MACROD2: variants seen among roughly 807,000 people sequenced by gnomAD.
MACROD2 encodes the protein ADP-ribose glycohydrolase MACROD2.
In MACROD2, 36 loss-of-function variants were observed where a neutral mutation model predicts 70.4. The observed-to-expected ratio is 0.51, with a 90% CI of 0.39 to 0.68. The LOEUF is 0.68. Ranked by LOEUF, MACROD2 falls within the 30% of genes least tolerant of loss-of-function variation. The probability of loss-of-function intolerance (pLI) is 0.00; values close to 1 mark genes in which losing one functional copy is unlikely to be tolerated. For synonymous variants in MACROD2, 172 were observed against 178.8 expected, an observed-to-expected ratio of 0.96 and a Z score of 0.30; for missense variants, 496 against 538.4, an observed-to-expected ratio of 0.92 and a Z score of 0.78.
intron 5 of MACROD2, among the ~76,000 whole-genome samples, chr20:14,968,754 G>A (rs146963481): frequency 1.3e-4 from 20 of 152,244 alleles, no homozygotes; most frequent in African/African-American, 4.3e-4. Flanking sequence ...ACCACAGTTC[G>A]ATAACCTCTG....
At chr20:14,516,907 C>T (rs868856485) in intron 4 of MACROD2, among the ~76,000 whole-genome samples, 5 of 152,158 alleles carry the variant, frequency 3.3e-5, no homozygotes, top group South Asian at 4.1e-4. Flanking sequence ...CAAAAGAAGA[C>T]GTTTATGCAG....
intron 4 of MACROD2, among the ~76,000 whole-genome samples, chr20:14,616,742 A>G (rs2123441445): frequency 6.6e-6 from 1 of 152,214 alleles, no homozygotes; most frequent in Non-Finnish European, 1.5e-5. Flanking sequence ...AATGAGATGG[A>G]TGAACTGATC....
At chr20:14,759,845 C>G (rs1165013276) in intron 5 of MACROD2, among the ~76,000 whole-genome samples, 1 of 152,002 alleles carries the variant, frequency 6.6e-6, no homozygotes, top group African/African-American at 2.4e-5. Context: ...GTTGTCCCTT[C>G]TTTTTATAAA....
rs374482609 is a variant in MACROD2, at chr20:15,798,293, G to A, written c.646-64452G>A. 1.8e-4 allele frequency among the ~76,000 whole-genome samples: 28 copies of A among 152,230 alleles called. No homozygotes were observed. The South Asian group carries it at 5.8e-3, about 32-fold the overall frequency. On this transcript the variant is annotated intron_variant, in intron 8 of 17. Coordinates refer to ENST00000684519, the MANE Select transcript of MACROD2 (RefSeq NM_001351661.2). ...CAAATGCCTGTGATTGGGTGCTTGG[G>A]GACTGGAATCAGCTGGAAGCTCCTT...
intron 6 of MACROD2, among the ~76,000 whole-genome samples, chr20:15,244,599 A>C (rs965685968): frequency 6.6e-6 from 1 of 152,178 alleles, no homozygotes; most frequent in African/African-American, 2.4e-5. Flanking sequence ...TCACTACTGC[A>C]AGTGTATCAT....
In MACROD2 at chr20:15,629,990, C is replaced by T. The variant is rs552352778; in HGVS notation, c.645+130143C>T. On this transcript the variant is annotated intron_variant, in intron 8 of 17. Coordinates refer to ENST00000684519, the MANE Select transcript of MACROD2 (RefSeq NM_001351661.2). ...GCTCTCTGCCCTTTCATTTTTTTTC[C>T]GTTCTCATTCTTTTTCTTCCCAGGT... 9.9e-5 allele frequency among the ~76,000 whole-genome samples: 15 copies of T among 152,030 alleles called. No homozygotes were observed. The South Asian group carries it at 1.0e-3, about 11-fold the overall frequency.
intron 3 of MACROD2, among the ~76,000 whole-genome samples, chr20:14,266,888 A>G (rs553026406): frequency 6.6e-6 from 1 of 152,310 alleles, no homozygotes; most frequent in East Asian, 1.9e-4. Flanking sequence ...TTGGAATTGA[A>G]ATGGTGTTTC....
intron 2 of MACROD2, among the ~76,000 whole-genome samples, chr20:14,084,757 C>A (rs1230152897): frequency 2.0e-5 from 3 of 151,714 alleles, no homozygotes; most frequent in Non-Finnish European, 2.9e-5. Context: ...AGGTAAAATA[C>A]AATTTGATAA....
At chr20:14,408,361 A>C (rs2083713487) in intron 3 of MACROD2, among the ~76,000 whole-genome samples, 1 of 152,266 alleles carries the variant, frequency 6.6e-6, no homozygotes, top group Admixed American at 6.5e-5. Flanking sequence ...ACTTTGCATA[A>C]CACTCGCTAA....
intron 8 of MACROD2, among the ~76,000 whole-genome samples, chr20:15,622,781 T>G (rs1382992640): frequency 1.3e-5 from 2 of 152,220 alleles, no homozygotes; most frequent in African/African-American, 4.8e-5. Flanking sequence ...AGAGACCACA[T>G]TCACATAACT....
intron 4 of MACROD2, among the ~76,000 whole-genome samples, chr20:14,555,253 C>T (rs1205402794): frequency 6.6e-6 from 1 of 151,962 alleles, no homozygotes; most frequent in African/African-American, 2.4e-5. Flanking sequence ...ACTATGTACC[C>T]CCAAAAACTT....
chr20:15,804,527 AG>A (rs1289937628), intron 8 of MACROD2, among the ~76,000 whole-genome samples: 2 of 152,342 alleles, frequency 1.3e-5, no homozygotes, highest in South Asian at 2.1e-4. Context: ...TGCTTTCAAA[AG>A]GTTGCCTTAT....
At chr20:15,573,257 G>T (rs1233756) in intron 8 of MACROD2, among the ~76,000 whole-genome samples, 126,300 of 152,100 alleles carry the variant, frequency 0.83, 52,615 homozygotes, top group African/African-American at 0.89. Context: ...GCCTTCACAT[G>T]CCAAAACAAA....
chr20:15,140,891 C>G (rs1297492859), intron 5 of MACROD2, among the ~76,000 whole-genome samples: 5 of 152,154 alleles, frequency 3.3e-5, no homozygotes, highest in African/African-American at 1.2e-4. Flanking sequence ...TAACTGCCTA[C>G]GTGGATCACA....
intron 5 of MACROD2, among the ~76,000 whole-genome samples, chr20:14,885,425 C>A (rs2073662112): frequency 6.6e-6 from 1 of 152,162 alleles, no homozygotes; most frequent in Non-Finnish European, 1.5e-5. Context: ...AGTGCCATCA[C>A]CTCTACTCTG....
chr20:14,182,866 C>A (rs953133849), intron 3 of MACROD2, among the ~76,000 whole-genome samples: 8 of 151,678 alleles, frequency 5.3e-5, no homozygotes, highest in Non-Finnish European at 8.8e-5. Context: ...TTGACTGGCT[C>A]CTTCTCATCA....
intron 5 of MACROD2, among the ~76,000 whole-genome samples, chr20:14,885,914 A>G (rs2073669229): frequency 6.6e-6 from 1 of 152,176 alleles, no homozygotes; most frequent in African/African-American, 2.4e-5. Context: ...GAGTATCTAC[A>G]ATGTGCCAGG....
chr20:15,729,831 C>CTGTTTTTTTTTTTTT (rs2050918554), intron 8 of MACROD2, among the ~76,000 whole-genome samples: 1 of 64,772 alleles, frequency 1.5e-5, no homozygotes, highest in African/African-American at 6.3e-5. Flanking sequence ...TTGGGTCATG[C>CTGTTTTTTTTTTTTT]TTTTTTTTTT....
chr20:15,067,733 T>C (rs1027705639), intron 5 of MACROD2, among the ~76,000 whole-genome samples: 4 of 152,212 alleles, frequency 2.6e-5, no homozygotes, highest in Admixed American at 6.5e-5. Flanking sequence ...TATGTAGATA[T>C]ATTGATTTAT....
Sources: allele counts gnomAD v4.1 joint callset (sites outside exome capture counted in the v4.1 genomes callset), GRCh38; gene constraint gnomAD v4.1.1; transcripts MANE v1.5; gene names NCBI Gene and HGNC (gene_info 2026-07-23, HGNC 2026-07-21).